The following SAMD12 variants were observed in gnomAD, a reference collection of about 807,000 sequenced individuals.
SAMD12 encodes the protein sterile alpha motif domain containing 12, also known as sterile alpha motif domain-containing protein 12.
A neutral mutation model predicts 15.0 loss-of-function variants in SAMD12; 9 were observed. That is an observed-to-expected ratio of 0.60 (90% CI 0.36 to 1.05). SAMD12 has a LOEUF of 1.05. Ranked by LOEUF, SAMD12 falls within the 50% of genes least tolerant of loss-of-function variation. SAMD12 has a pLI of 0.01. For missense variants in SAMD12, 230 were observed against 234.2 expected (o/e 0.98, Z 0.12); for synonymous variants, 86 against 90.1 (o/e 0.96, Z 0.25).
At chr8:118,195,725 G>C (rs551320829) in exon 5 of SAMD12, 2 of 152,462 alleles carry the variant, frequency 1.3e-5, no homozygotes, top group South Asian at 4.1e-4. Flanking sequence ...AGTTTCATAA[G>C]GGCAGGTGGG....
intron 2 of SAMD12, among the ~76,000 whole-genome samples, chr8:118,465,806 A>G (rs554988687): frequency 1.1e-4 from 17 of 152,144 alleles, no homozygotes; most frequent in Non-Finnish European, 2.4e-4. Context: ...AGGACCAAGG[A>G]CATTCTTGGA....
chr8:118,498,449 G>C (rs184779982), intron 2 of SAMD12, among the ~76,000 whole-genome samples: 94 of 152,374 alleles, frequency 6.2e-4, no homozygotes, highest in African/African-American at 2.2e-3. Flanking sequence ...AACACTGCTA[G>C]AGGTATGTGG....
intron 4 of SAMD12, among the ~76,000 whole-genome samples, chr8:118,369,503 G>A (rs1818970697): frequency 6.6e-6 from 1 of 152,090 alleles, no homozygotes; most frequent in Admixed American, 6.6e-5. Flanking sequence ...ATTGCCTGAG[G>A]TCAGGAGTTT....
intron 2 of SAMD12, among the ~76,000 whole-genome samples, chr8:118,551,462 T>C (rs995235101): frequency 6.6e-6 from 1 of 151,712 alleles, no homozygotes; most frequent in Non-Finnish European, 1.5e-5. Context: ...GAAATAAAGA[T>C]GTTCTTTGAA....
chr8:118,405,004 C>G (rs1334455935), intron 3 of SAMD12, among the ~76,000 whole-genome samples: 2 of 152,130 alleles, frequency 1.3e-5, no homozygotes, highest in African/African-American at 4.8e-5. Context: ...CCTGTACTTT[C>G]TTTCATTCAT....
chr8:118,155,004 G>A, the SAMD12 span, among the ~76,000 whole-genome samples: 217 of 152,078 alleles, frequency 1.4e-3, 1 homozygote, highest in African/African-American at 3.3e-3. Context: ...CATTCCCTTG[G>A]GTGACACTGT....
At chr8:118,333,092 G>A (rs1021819501) in intron 4 of SAMD12, among the ~76,000 whole-genome samples, 12 of 152,188 alleles carry the variant, frequency 7.9e-5, no homozygotes, top group African/African-American at 2.2e-4. Flanking sequence ...CACAGTTATC[G>A]CAGGGAAGGC....
chr8:118,294,281 T>G (rs921692178), intron 4 of SAMD12, among the ~76,000 whole-genome samples: 3 of 152,218 alleles, frequency 2.0e-5, no homozygotes, highest in Non-Finnish European at 4.4e-5. Context: ...CCAAAAGCAC[T>G]GGAGCCTGAC....
At chr8:118,418,387 AAAG>A (rs537829977) in intron 3 of SAMD12, among the ~76,000 whole-genome samples, 106 of 152,252 alleles carry the variant, frequency 7.0e-4, no homozygotes, top group Non-Finnish European at 1.3e-3. Flanking sequence ...CAGAGGTGAT[AAAG>A]AAGAAGGGAT....
intron 1 of SAMD12, among the ~76,000 whole-genome samples, chr8:118,618,056 G>A (rs1273510820): frequency 6.7e-6 from 1 of 149,978 alleles, no homozygotes; most frequent in African/African-American, 2.5e-5. Context: ...AAAAGGCAAT[G>A]TATGCCAGTA....
intron 4 of SAMD12, among the ~76,000 whole-genome samples, chr8:118,219,215 T>C (rs1458745412): frequency 6.6e-6 from 1 of 152,216 alleles, no homozygotes; most frequent in South Asian, 2.1e-4. Flanking sequence ...TATTTTATTA[T>C]ATACTCGAAT....
chr8:118,449,030 A>C (rs1243830134), intron 2 of SAMD12, among the ~76,000 whole-genome samples: 1 of 151,698 alleles, frequency 6.6e-6, no homozygotes, highest in Non-Finnish European at 1.5e-5. Context: ...GGCTTGGGGA[A>C]GCAGTGGGGC....
chr8:118,269,251 TG>T (rs1170998916), intron 4 of SAMD12, among the ~76,000 whole-genome samples: 38 of 151,196 alleles, frequency 2.5e-4, no homozygotes, highest in African/African-American at 8.8e-4. Context: ...TGTGTGTGTG[TG>T]TGTGTGTGTA....
intron 2 of SAMD12, among the ~76,000 whole-genome samples, chr8:118,530,071 A>C (rs1825642424): frequency 6.6e-6 from 1 of 152,152 alleles, no homozygotes; most frequent in South Asian, 2.1e-4. Context: ...AGCCATTCTG[A>C]TGGGTGTCAC....
At chr8:118,434,137 C>T (rs1190053094) in intron 3 of SAMD12, among the ~76,000 whole-genome samples, 1 of 152,116 alleles carries the variant, frequency 6.6e-6, no homozygotes, top group South Asian at 2.1e-4. Context: ...TCCCTTTACT[C>T]AACAGCATAT....
At chr8:118,417,629 T>G (rs1449612395) in intron 3 of SAMD12, among the ~76,000 whole-genome samples, 1 of 152,096 alleles carries the variant, frequency 6.6e-6, no homozygotes, top group African/African-American at 2.4e-5. Context: ...GAGATAATGA[T>G]AAAATATTCA....
chr8:118,174,498 C>T, the SAMD12 span, among the ~76,000 whole-genome samples: 4 of 152,158 alleles, frequency 2.6e-5, no homozygotes, highest in Non-Finnish European at 4.4e-5. Context: ...TAACTATTAA[C>T]TGAGTGTTGT....
At chr8:118,258,542 G>T (rs1813005450) in intron 4 of SAMD12, among the ~76,000 whole-genome samples, 1 of 152,098 alleles carries the variant, frequency 6.6e-6, no homozygotes, top group Non-Finnish European at 1.5e-5. Flanking sequence ...AAATATCAAA[G>T]AATATCTTAT....
At chr8:118,526,613 G>C (rs1825544564) in intron 2 of SAMD12, among the ~76,000 whole-genome samples, 1 of 152,150 alleles carries the variant, frequency 6.6e-6, no homozygotes, top group South Asian at 2.1e-4. Flanking sequence ...GCAGGGATAA[G>C]GTGAAGTGGA....
Sources: gnomAD v4.1 joint callset for allele counts (sites outside exome capture counted in the v4.1 genomes callset) on GRCh38, gnomAD v4.1.1 for gene constraint, MANE v1.5 for transcripts, NCBI Gene and HGNC (gene_info 2026-07-23, HGNC 2026-07-21) for gene names.